Variants in MDN1 observed in about 807,000 individuals in gnomAD.
MDN1 encodes midasin AAA ATPase 1, also known as midasin.
In MDN1, 266 loss-of-function variants were observed where a neutral mutation model predicts 669.2. The observed-to-expected ratio is 0.40, with a 90% CI of 0.36 to 0.44. The LOEUF (loss-of-function observed/expected upper bound fraction) is 0.44. Ranked by LOEUF, MDN1 falls within the 20% of genes least tolerant of loss-of-function variation. The probability of loss-of-function intolerance (pLI) is 1.00; values close to 1 mark genes in which losing one functional copy is unlikely to be tolerated. For synonymous variants in MDN1, 2,385 were observed against 2,457.1 expected, an observed-to-expected ratio of 0.97 and a Z score of 0.87; for missense variants, 5,940 against 6,754.0, an observed-to-expected ratio of 0.88 and a Z score of 4.22.
At chr6:89,673,150 T>C (rs1810944581) in intron 80 of MDN1, 86 bp downstream of exon 80, 2 of 1,191,832 alleles carry the variant, frequency 1.7e-6, no homozygotes, top group South Asian at 1.3e-5. Flanking sequence ...CAAAATATAA[T>C]GTGTCTTTTG....
intron 29 of MDN1, among the ~76,000 whole-genome samples, chr6:89,744,114 A>AG (rs1459906212): frequency 7.0e-6 from 1 of 143,314 alleles, no homozygotes; most frequent in Admixed American, 7.2e-5. Flanking sequence ...AAAAAAAAAA[A>AG]AAAAAAAAAA....
rs1196317196 is a variant in MDN1, at chr6:89,690,547, G to C, written c.10749+126C>G. 5 of 1,218,928 alleles carry C rather than the reference G, an allele frequency of 4.1e-6. No homozygotes were observed. The East Asian group carries it at 1.3e-4, about 30-fold the overall frequency. The allele number at this position is 1,218,928 out of a possible 1,614,324, so 75.5% of individuals were successfully genotyped here. A position where few individuals can be genotyped will look rare whatever the true frequency, so the allele number is the denominator to read the frequency against. On this transcript the variant is annotated intron_variant, in intron 64 of 101. Coordinates refer to ENST00000369393, the MANE Select transcript of MDN1 (RefSeq NM_014611.3). ...CACTCCAGCCTGGGTGATAGAGCAAGACCCAGTCTCTAAAATACATACATA... is the reference window on the plus strand; with the variant it reads ...CACTCCAGCCTGGGTGATAGAGCAACACCCAGTCTCTAAAATACATACATA...
intron 52 of MDN1, among the ~76,000 whole-genome samples, chr6:89,706,572 T>C (rs1363539635): frequency 1.3e-5 from 2 of 152,184 alleles, no homozygotes; most frequent in African/African-American, 4.8e-5. Context: ...GGTATAAAAT[T>C]TTCCATTTGT....
chr6:89,743,510 C>T, intron 30 of MDN1, 66 bp downstream of exon 30: 2 of 1,550,076 alleles, frequency 1.3e-6, no homozygotes, highest in African/African-American at 1.4e-5. Context: ...AGAAACCCCA[C>T]CACTAACTCA....
rs557046925 is a variant in MDN1 at position 89,803,674 on chromosome 6, C to T, written c.103-120G>A. 2.2e-4 allele frequency: 158 copies of T among 729,410 alleles called. No individual in the cohort carries two copies. The African/African-American group carries it at 2.5e-3, about 11-fold the overall frequency. 45.2% of individuals were successfully genotyped at this position (729,410 alleles called of 1,614,324 possible). Reference sequence around the variant, plus strand: ...TCAGCTCACTGCAAGCTCCACCTCCCGGGTTCATGCCATTCTCCTGCCCGA... The same window carrying T: ...TCAGCTCACTGCAAGCTCCACCTCCTGGGTTCATGCCATTCTCCTGCCCGA... On this transcript the variant is annotated intron_variant, in intron 1 of 101. Transcript: ENST00000369393.
chr6:89,767,338 G>A (rs759967677), intron 15 of MDN1, among the ~76,000 whole-genome samples: 49 of 152,262 alleles, frequency 3.2e-4, no homozygotes, highest in South Asian at 6.2e-4. Context: ...ATAAAACCAA[G>A]GAGGTAATGG....
chr6:89,672,116 T>C (rs970995012), intron 82 of MDN1, 84 bp downstream of exon 82: 1 of 1,400,444 alleles, frequency 7.1e-7, no homozygotes, highest in Non-Finnish European at 9.4e-7. Context: ...CTGGCACTTA[T>C]CTACGTGGAG....
chr6:89,762,176 G>T, intron 16 of MDN1, 143 bp downstream of exon 16: 1 of 666,312 alleles, frequency 1.5e-6, no homozygotes, highest in Non-Finnish European at 2.5e-6. Context: ...TGAATAATGG[G>T]GCACAATACT....
At chr6:89,755,203 A>T (rs1346210041) in intron 20 of MDN1, among the ~76,000 whole-genome samples, 1 of 152,122 alleles carries the variant, frequency 6.6e-6, no homozygotes, top group Non-Finnish European at 1.5e-5. Context: ...GTGGTAAACC[A>T]TTCTGAAGCA....
At chr6:89,651,339 A>AG (rs1479146959) in intron 95 of MDN1, among the ~76,000 whole-genome samples, 1 of 149,144 alleles carries the variant, frequency 6.7e-6, no homozygotes, top group African/African-American at 2.5e-5. Flanking sequence ...AAAAAAAAAA[A>AG]AAAAAGAAAA....
chr6:89,756,523 T>C, intron 19 of MDN1, 133 bp from the exon 20 acceptor site: 1 of 520,698 alleles, frequency 1.9e-6, no homozygotes, highest in Non-Finnish European at 3.4e-6. Flanking sequence ...TTCAACCTGA[T>C]ATAGAAACTT....
chr6:89,803,703 G>A (rs1472804469), intron 1 of MDN1, 149 bp from the exon 2 acceptor site: 17 of 624,360 alleles, frequency 2.7e-5, no homozygotes, highest in South Asian at 2.2e-4. Context: ...TGCCCGAGCC[G>A]CCCAAGTAGC....
At position 89,730,719 on chromosome 6, in the gene MDN1, T is replaced by C; in HGVS notation, c.5140+7A>G. The C allele has an allele frequency of 6.2e-7, 1 of 1,608,264 alleles. No homozygotes were observed. Among genetic ancestry groups the C allele is most frequent in the Non-Finnish European group, 8.5e-7 (1 of 1,177,784 alleles). On this transcript the variant is annotated splice_region_variant and intron_variant, in intron 35 of 101. Transcript: ENST00000369393. ...AGGAAAATTCATTTTTTAAAAATCA[T>C]TCTTACCCCTTGGTATAAAAAATGG...
chr6:89,743,798 C>G, intron 29 of MDN1, 84 bp from the exon 30 acceptor site: 1 of 1,464,976 alleles, frequency 6.8e-7, no homozygotes. Flanking sequence ...AAGAGAAGAA[C>G]CACTGTGGGA....
chr6:89,754,451 G>C (rs779873988), intron 20 of MDN1, among the ~76,000 whole-genome samples: 12 of 152,094 alleles, frequency 7.9e-5, no homozygotes. Flanking sequence ...TATTTCCTTG[G>C]GGAAACTGGG....
Position 89,654,216 on chromosome 6 carries a change from G to C in MDN1, c.15609C>G (p.Asp5203Glu), listed in dbSNP as rs578036313. The C allele has an allele frequency of 6.2e-7, 1 of 1,614,078 alleles. No homozygotes were observed. The highest frequency in any genetic ancestry group is 1.3e-5 in the African/African-American group (1 of 74,940). Residue 5203 changes from aspartate (D) to glutamate (E), a missense_variant, in exon 93 of 102, where the codon GAC becomes GAG. Asp to Glu is a conservative substitution (Grantham distance 45, BLOSUM62 2). This residue lies in a region of MDN1 where 2,280 missense variants were observed against 2,576.3 expected (regional missense o/e 0.88). Transcript: ENST00000369393. ...TTTCCTCTGGCTTCAGCTGCTCCAC[G>C]TCTGCTGCTTTGAACTCCTCCTGCT... ...TEEQEEFKAA[D>E]VEQLKPEEIK...
chr6:89,773,834 G>A (rs1323749516), intron 13 of MDN1, among the ~76,000 whole-genome samples: 3 of 151,854 alleles, frequency 2.0e-5, no homozygotes, highest in Non-Finnish European at 2.9e-5. Flanking sequence ...GCGTGGTGGC[G>A]CATGCCTGTA....
chr6:89,642,750 A>ATCTT lies in MDN1; in HGVS notation c.*1251_*1254dup. On this transcript the variant is annotated 3_prime_UTR_variant, in exon 102 of 102. Coordinates refer to ENST00000369393, the MANE Select transcript of MDN1 (RefSeq NM_014611.3). ...CTAGCATACCTTTTACAATCCTGTCATCTTCCATTAAGAAGAGTCACAAAT... is the reference window on the plus strand; with the variant it reads ...CTAGCATACCTTTTACAATCCTGTCATCTTTCTTCCATTAAGAAGAGTCACAAAT... 6.6e-6 allele frequency: 1 copy of ATCTT among 152,354 alleles called. No homozygotes were observed. Among genetic ancestry groups the ATCTT allele is most frequent in the South Asian group, 2.1e-4 (1 of 4,834 alleles). 9.4% of individuals were successfully genotyped at this position (152,354 alleles called of 1,614,324 possible). A position where few individuals can be genotyped will look rare whatever the true frequency, so the allele number is the denominator to read the frequency against.
At chr6:89,727,291 C>G (rs1815301303) in intron 37 of MDN1, among the ~76,000 whole-genome samples, 1 of 152,154 alleles carries the variant, frequency 6.6e-6, no homozygotes, top group African/African-American at 2.4e-5. Flanking sequence ...ACAAATATTT[C>G]TAGCCTTTTC....
Sources: allele counts gnomAD v4.1 joint callset (sites outside exome capture counted in the v4.1 genomes callset), GRCh38; gene constraint gnomAD v4.1.1; regional missense constraint gnomAD v4.1.1; transcripts MANE v1.5; gene names NCBI Gene and HGNC (gene_info 2026-07-23, HGNC 2026-07-21).